SORCS2: variants seen among roughly 807,000 people sequenced by gnomAD.
SORCS2 encodes VPS10 domain-containing receptor SorCS2.
A neutral mutation model predicts 141.6 loss-of-function variants in SORCS2; 100 were observed. That is an observed-to-expected ratio of 0.71 (90% CI 0.60 to 0.83). The LOEUF is 0.83. Ranked by LOEUF, SORCS2 falls within the 40% of genes least tolerant of loss-of-function variation. SORCS2 has a pLI of 0.00. For missense variants in SORCS2, 1,646 were observed against 1,560.2 expected, an observed-to-expected ratio of 1.05 and a Z score of -0.93; for synonymous variants, 789 against 676.9, an observed-to-expected ratio of 1.17 and a Z score of -2.57.
intron 26 of SORCS2, 70 bp from the exon 27 acceptor site, chr4:7,740,130 G>A (rs1472527845): frequency 5.5e-5 from 77 of 1,389,930 alleles, no homozygotes; most frequent in Non-Finnish European, 6.8e-5. Flanking sequence ...GGCCACGACC[G>A]TGTCCCCTGT....
intron 1 of SORCS2, among the ~76,000 whole-genome samples, chr4:7,340,509 C>T (rs1267766603): frequency 1.3e-5 from 2 of 152,340 alleles, no homozygotes; most frequent in South Asian, 4.1e-4. Context: ...CTGGGAAAGG[C>T]GCCCCCCAGG....
chr4:7,559,223 C>T (rs952000552), intron 3 of SORCS2, among the ~76,000 whole-genome samples: 10 of 152,300 alleles, frequency 6.6e-5, no homozygotes, highest in African/African-American at 2.2e-4. Context: ...CCCCCGTGCC[C>T]GCAGTGCCTC....
chr4:7,219,867 C>T (rs755224819), intron 1 of SORCS2, among the ~76,000 whole-genome samples: 35 of 152,326 alleles, frequency 2.3e-4, no homozygotes, highest in Admixed American at 5.9e-4. Flanking sequence ...AGACCTTGCC[C>T]GCAGCAGCCG....
At chr4:7,483,745 CA>C (rs1378591758) in intron 2 of SORCS2, among the ~76,000 whole-genome samples, 48 of 150,822 alleles carry the variant, frequency 3.2e-4, no homozygotes, top group Admixed American at 2.9e-3. Flanking sequence ...TTAGAGTCTC[CA>C]GGGGGTGGGG....
intron 1 of SORCS2, among the ~76,000 whole-genome samples, chr4:7,334,024 C>T (rs1226905440): frequency 6.6e-6 from 1 of 152,162 alleles, no homozygotes; most frequent in Non-Finnish European, 1.5e-5. Context: ...GGACCTTGTC[C>T]AGCCTCACAG....
At chr4:7,620,649 G>A (rs1284577165) in intron 3 of SORCS2, among the ~76,000 whole-genome samples, 1 of 152,208 alleles carries the variant, frequency 6.6e-6, no homozygotes, top group Non-Finnish European at 1.5e-5. Flanking sequence ...GTGGGTGTTG[G>A]GTACACACAC....
At chr4:7,476,312 T>C (rs1039058490) in intron 2 of SORCS2, among the ~76,000 whole-genome samples, 6 of 152,278 alleles carry the variant, frequency 3.9e-5, no homozygotes, top group South Asian at 2.1e-4. Flanking sequence ...GTCAGGAACC[T>C]GTAGGTCAGG....
chr4:7,327,972 A>C (rs1248988916), intron 1 of SORCS2, among the ~76,000 whole-genome samples: 1 of 145,894 alleles, frequency 6.9e-6, no homozygotes, highest in Non-Finnish European at 1.5e-5. Context: ...TCTCTTCCTC[A>C]TCATCAGAGT....
intron 3 of SORCS2, among the ~76,000 whole-genome samples, chr4:7,614,112 T>A (rs1473135060): frequency 6.8e-6 from 1 of 147,208 alleles, no homozygotes; most frequent in African/African-American, 2.5e-5. Flanking sequence ...CATTCATCCA[T>A]CCTCTTACCC....
At chr4:7,334,464 C>G (rs1286523219) in intron 1 of SORCS2, among the ~76,000 whole-genome samples, 1 of 152,110 alleles carries the variant, frequency 6.6e-6, no homozygotes, top group Non-Finnish European at 1.5e-5. Context: ...GTCTGCCAAC[C>G]CCAGACAGTG....
At chr4:7,211,259 G>A (rs948047849) in intron 1 of SORCS2, among the ~76,000 whole-genome samples, 11 of 151,962 alleles carry the variant, frequency 7.2e-5, no homozygotes, top group East Asian at 3.9e-4. Flanking sequence ...TTGCCAGGGC[G>A]CAGACCAGAG....
chr4:7,474,179 A>G (rs1196898580), intron 2 of SORCS2, among the ~76,000 whole-genome samples: 2 of 152,168 alleles, frequency 1.3e-5, no homozygotes, highest in Non-Finnish European at 2.9e-5. Context: ...TGGGTGTTGG[A>G]TGAATGAATG....
intron 3 of SORCS2, among the ~76,000 whole-genome samples, chr4:7,625,124 G>A (rs926004223): frequency 6.6e-6 from 1 of 152,192 alleles, no homozygotes; most frequent in Admixed American, 6.5e-5. Context: ...ATGTTCTCAA[G>A]GATGTTTCCT....
At chr4:7,623,561 G>C (rs78966348) in intron 3 of SORCS2, among the ~76,000 whole-genome samples, 4,197 of 152,118 alleles carry the variant, frequency 0.028, 73 homozygotes, top group Non-Finnish European at 0.042. Context: ...ACTCCCTGTT[G>C]CCCGACCTGT....
chr4:7,540,577 C>T (rs1712548606), intron 3 of SORCS2, among the ~76,000 whole-genome samples: 1 of 152,206 alleles, frequency 6.6e-6, no homozygotes, highest in Admixed American at 6.5e-5. Flanking sequence ...CTGCATGGTC[C>T]CATGGTGCCG....
At position 7,306,471 on chromosome 4, in the gene SORCS2, G is replaced by T. The variant is rs540294914; in HGVS notation, c.481-89817G>T. On this transcript the variant is annotated intron_variant, in intron 1 of 26. Coordinates refer to ENST00000507866, the MANE Select transcript of SORCS2 (RefSeq NM_020777.3). ...GCTGTGTCTGAGGGTTTGCGGTGTG[G>T]CTGCTGCATTTTGTTCTGAGGATGG... Among the ~76,000 whole-genome samples, 4 of 152,316 alleles carry T rather than the reference G, an allele frequency of 2.6e-5. No homozygotes were observed. In the South Asian group the frequency reaches 8.3e-4, roughly 32 times the overall value.
At chr4:7,520,905 A>G (rs1286101796) in intron 2 of SORCS2, among the ~76,000 whole-genome samples, 4 of 152,224 alleles carry the variant, frequency 2.6e-5, no homozygotes, top group Non-Finnish European at 5.9e-5. Context: ...CAGGACGTGC[A>G]GGGTGGGTGC....
At chr4:7,329,056 G>A (rs866566728) in intron 1 of SORCS2, among the ~76,000 whole-genome samples, 3 of 152,202 alleles carry the variant, frequency 2.0e-5, no homozygotes, top group South Asian at 2.1e-4. Context: ...AAGGCCACAC[G>A]GAGGCGACCG....
chr4:7,520,659 G>C (rs961835476), intron 2 of SORCS2, among the ~76,000 whole-genome samples: 2 of 152,222 alleles, frequency 1.3e-5, no homozygotes, highest in Admixed American at 1.3e-4. Context: ...CAGGCACCGG[G>C]GGTGGCCCTA....
Sources: allele counts gnomAD v4.1 joint callset (sites outside exome capture counted in the v4.1 genomes callset), GRCh38; gene constraint gnomAD v4.1.1; transcripts MANE v1.5; gene names NCBI Gene and HGNC (gene_info 2026-07-23, HGNC 2026-07-21).